Variants in RBFOX1 observed in about 807,000 individuals in gnomAD.
RBFOX1 encodes RNA binding protein fox-1 homolog 1.
A neutral mutation model predicts 57.7 loss-of-function variants in RBFOX1; 8 were observed. That is an observed-to-expected ratio of 0.14 (90% CI 0.08 to 0.25). RBFOX1 has a LOEUF of 0.25. RBFOX1 is among the 10% of genes least tolerant of loss of function. RBFOX1 has a pLI of 1.00. For missense variants in RBFOX1, 611 were observed against 548.5 expected (o/e 1.11, Z -1.14); for synonymous variants, 326 against 222.4 (o/e 1.47, Z -4.15).
intron 3 of RBFOX1, among the ~76,000 whole-genome samples, chr16:5,666,654 C>A (rs1015429774): frequency 2.0e-5 from 3 of 152,208 alleles, no homozygotes; most frequent in Non-Finnish European, 2.9e-5. Flanking sequence ...TGAGCTAGGG[C>A]AGCCACTTTA....
chr16:5,818,695 C>G (rs1373904309), intron 3 of RBFOX1, among the ~76,000 whole-genome samples: 1 of 152,164 alleles, frequency 6.6e-6, no homozygotes, highest in Non-Finnish European at 1.5e-5. Context: ...AGAGTCTTGA[C>G]CGTAGAGGGG....
At chr16:5,669,275 C>T (rs1205881125) in intron 3 of RBFOX1, among the ~76,000 whole-genome samples, 1 of 152,074 alleles carries the variant, frequency 6.6e-6, no homozygotes, top group East Asian at 1.9e-4. Context: ...CCCTCAGCTC[C>T]AAACTCTGTT....
intron 4 of RBFOX1, among the ~76,000 whole-genome samples, chr16:7,229,721 GAA>G (rs1263016687): frequency 1.5e-5 from 2 of 130,758 alleles, no homozygotes; most frequent in African/African-American, 2.8e-5. Flanking sequence ...GGAGAGAGAG[GAA>G]GCAAGGGAGG....
intron 5 of RBFOX1, among the ~76,000 whole-genome samples, chr16:7,554,596 C>T (rs2087698777): frequency 6.6e-6 from 1 of 152,042 alleles, no homozygotes; most frequent in African/African-American, 2.4e-5. Context: ...TTTAGAATTG[C>T]CATGAAGTGA....
chr16:5,876,047 G>C (rs978718226), intron 4 of RBFOX1, among the ~76,000 whole-genome samples: 2 of 152,090 alleles, frequency 1.3e-5, no homozygotes, highest in African/African-American at 4.8e-5. Flanking sequence ...GTTTCGCCGT[G>C]TTAGCCAGGG....
chr16:5,565,561 T>C (rs1333655489), intron 2 of RBFOX1, among the ~76,000 whole-genome samples: 1 of 151,464 alleles, frequency 6.6e-6, no homozygotes, highest in Non-Finnish European at 1.5e-5. Context: ...GGAGGCGGAG[T>C]TCGTGGTGAG....
intron 1 of RBFOX1, among the ~76,000 whole-genome samples, chr16:6,237,353 C>G (rs917293811): frequency 6.6e-6 from 1 of 152,148 alleles, no homozygotes; most frequent in Non-Finnish European, 1.5e-5. Flanking sequence ...AAGTTTCATC[C>G]TTATATGGCC....
chr16:6,415,104 G>T (rs868268809), intron 2 of RBFOX1, among the ~76,000 whole-genome samples: 21 of 151,714 alleles, frequency 1.4e-4, no homozygotes, highest in Admixed American at 5.3e-4. Flanking sequence ...TTAGCTGGGC[G>T]TGGTGGCATG....
Position 7,101,200 on chromosome 16 carries a change from G to C in RBFOX1, c.27+49102G>C, listed in dbSNP as rs369090867. ...ATGCAGGCAGAGCTGGCCTATGCAG[G>C]CCCCATTTTTGTGACTAGGAATTTA... is the stretch of plus-strand genomic sequence containing the variant. On this transcript the variant is annotated intron_variant, in intron 4 of 15. Coordinates refer to ENST00000550418, the MANE Select transcript of RBFOX1 (RefSeq NM_018723.4). Among the ~76,000 whole-genome samples the C allele has an allele frequency of 1.1e-4, 16 of 152,252 alleles. 1 individual carries two copies. The highest frequency in any genetic ancestry group is 5.2e-4 in the Admixed American group (8 of 15,268).
At chr16:5,619,349 C>T (rs1032214099) in intron 3 of RBFOX1, among the ~76,000 whole-genome samples, 7 of 152,052 alleles carry the variant, frequency 4.6e-5, no homozygotes, top group African/African-American at 1.2e-4. Flanking sequence ...TGCCCAGGGA[C>T]GGGCATGTTC....
intron 3 of RBFOX1, among the ~76,000 whole-genome samples, chr16:5,767,333 G>C (rs1027301505): frequency 5.3e-5 from 8 of 152,218 alleles, no homozygotes; most frequent in African/African-American, 1.9e-4. Context: ...GGTCCATCTA[G>C]GTCAAGATGG....
Position 6,222,858 on chromosome 16 carries a change from C to G in RBFOX1, c.-126-94137C>G, listed in dbSNP as rs552678919. ...TAATGCTATCCTTCCGCCCTACCCC[C>G]ACCCCACAACAGTCCCCAGAGTGTG... is the stretch of plus-strand genomic sequence containing the variant. On this transcript the variant is annotated intron_variant, in intron 1 of 15. Coordinates refer to ENST00000550418, the MANE Select transcript of RBFOX1 (RefSeq NM_018723.4). Among the ~76,000 whole-genome samples the G allele has an allele frequency of 1.5e-3, 225 of 152,084 alleles. 2 individuals are homozygous for G. The highest frequency in any genetic ancestry group is 3.4e-3 in the Middle Eastern group (1 of 294).
intron 3 of RBFOX1, among the ~76,000 whole-genome samples, chr16:6,882,666 G>A (rs940348643): frequency 2.0e-5 from 3 of 152,090 alleles, no homozygotes; most frequent in Admixed American, 6.6e-5. Context: ...CACTTGGCAG[G>A]TACCCATTGG....
chr16:7,330,729 C>T (rs1380013329), intron 4 of RBFOX1, among the ~76,000 whole-genome samples: 1 of 151,880 alleles, frequency 6.6e-6, no homozygotes, highest in Non-Finnish European at 1.5e-5. Flanking sequence ...AATTAAGTCT[C>T]CTGCCTTCTG....
chr16:5,779,910 A>T (rs1317994521), intron 3 of RBFOX1, among the ~76,000 whole-genome samples: 1 of 152,216 alleles, frequency 6.6e-6, no homozygotes, highest in Non-Finnish European at 1.5e-5. Context: ...TGGAGATGGT[A>T]ATCATACTGA....
At chr16:5,914,048 A>G (rs1246300204) in intron 4 of RBFOX1, among the ~76,000 whole-genome samples, 1 of 152,238 alleles carries the variant, frequency 6.6e-6, no homozygotes, top group East Asian at 1.9e-4. Context: ...GTTTGATTCA[A>G]GGACAGAGGC....
chr16:6,253,696 T>C (rs1418897660), intron 1 of RBFOX1, among the ~76,000 whole-genome samples: 1 of 116,958 alleles, frequency 8.6e-6, no homozygotes, highest in African/African-American at 2.7e-5. Context: ...TGTGTGTGTG[T>C]GTGTATATAT....
chr16:5,283,224 A>G (rs1466948255), intron 1 of RBFOX1, among the ~76,000 whole-genome samples: 1 of 152,228 alleles, frequency 6.6e-6, no homozygotes. Flanking sequence ...CTAGATGTCC[A>G]GGCAGCAGTT....
chr16:7,347,033 A>T (rs73563899), intron 4 of RBFOX1, among the ~76,000 whole-genome samples: 1,795 of 152,324 alleles, frequency 0.012, 38 homozygotes, highest in African/African-American at 0.041. Context: ...CACAAGAGGT[A>T]AGACAGGCCT....
Sources: gnomAD v4.1 joint callset for allele counts (sites outside exome capture counted in the v4.1 genomes callset) on GRCh38, gnomAD v4.1.1 for gene constraint, MANE v1.5 for transcripts, NCBI Gene and HGNC (gene_info 2026-07-23, HGNC 2026-07-21) for gene names.